Variants in LINGO2 observed in about 807,000 individuals in gnomAD.
LINGO2 encodes leucine rich repeat and Ig domain containing 2, also known as leucine-rich repeat and immunoglobulin-like domain-containing nogo receptor-interacting protein 2.
A neutral mutation model predicts 30.6 loss-of-function variants in LINGO2; 14 were observed. The ratio of observed to expected loss-of-function variants is 0.46; its 90% confidence interval spans 0.30 to 0.72. The LOEUF (loss-of-function observed/expected upper bound fraction) is 0.72, where lower values mean the gene tolerates loss of function less well. Ranked by LOEUF, LINGO2 falls within the 30% of genes least tolerant of loss-of-function variation. LINGO2 has a pLI of 0.07. For missense variants in LINGO2, 729 were observed against 751.7 expected, an observed-to-expected ratio of 0.97 and a Z score of 0.35; for synonymous variants, 317 against 288.5, an observed-to-expected ratio of 1.10 and a Z score of -1.00.
downstream of LINGO2, among the ~76,000 whole-genome samples, chr9:27,945,482 A>G (rs1823330269): frequency 6.6e-6 from 1 of 152,130 alleles, no homozygotes; most frequent in Non-Finnish European, 1.5e-5. Flanking sequence ...GTAACAAGCA[A>G]AATTTCTGAG....
chr9:28,040,412 A>G (rs1385792599), intron 4 of LINGO2, among the ~76,000 whole-genome samples: 4 of 151,784 alleles, frequency 2.6e-5, no homozygotes, highest in African/African-American at 4.8e-5. Flanking sequence ...TTGTTCAAAA[A>G]GACAGCTTGA....
chr9:27,978,981 C>G (rs1486076569), intron 5 of LINGO2, among the ~76,000 whole-genome samples: 6 of 151,986 alleles, frequency 3.9e-5, no homozygotes, highest in Admixed American at 1.3e-4. Flanking sequence ...TAAAAGAGTT[C>G]AAGGCTCAGA....
the LINGO2 span, among the ~76,000 whole-genome samples, chr9:28,730,523 A>G: frequency 1.3e-5 from 2 of 152,222 alleles, no homozygotes; most frequent in African/African-American, 4.8e-5. Flanking sequence ...GCAAAGCTAC[A>G]GAATGGGAGA....
At chr9:28,776,150 A>C in the LINGO2 span, among the ~76,000 whole-genome samples, 1 of 152,226 alleles carries the variant, frequency 6.6e-6, no homozygotes, top group Non-Finnish European at 1.5e-5. Context: ...CTCTTGAATA[A>C]GCCCCTGGCT....
the LINGO2 span, among the ~76,000 whole-genome samples, chr9:28,999,445 C>T: frequency 6.6e-6 from 1 of 152,088 alleles, no homozygotes; most frequent in East Asian, 1.9e-4. Flanking sequence ...TGACTTATTT[C>T]TGTATATATC....
At chr9:28,486,669 T>C (rs1404396434) in intron 1 of LINGO2, among the ~76,000 whole-genome samples, 1 of 151,974 alleles carries the variant, frequency 6.6e-6, no homozygotes, top group Non-Finnish European at 1.5e-5. Flanking sequence ...TAATGAATAG[T>C]GCTCTCGTTC....
intron 4 of LINGO2, among the ~76,000 whole-genome samples, chr9:28,019,496 C>T (rs1398217379): frequency 6.6e-6 from 1 of 151,844 alleles, no homozygotes. Context: ...AAACTGAAGG[C>T]AGTGACAAAG....
chr9:28,214,967 T>G (rs532009531), intron 4 of LINGO2, among the ~76,000 whole-genome samples: 1 of 151,874 alleles, frequency 6.6e-6, no homozygotes, highest in African/African-American at 2.4e-5. Context: ...AATGACATGT[T>G]CTGTACATCC....
chr9:28,616,180 A>C (rs191854803), intron 1 of LINGO2, among the ~76,000 whole-genome samples: 2 of 152,282 alleles, frequency 1.3e-5, no homozygotes, highest in East Asian at 3.9e-4. Context: ...TTTATTTTTA[A>C]AATGCTTATA....
chr9:28,258,230 T>C (rs187607117), intron 4 of LINGO2, among the ~76,000 whole-genome samples: 40 of 152,010 alleles, frequency 2.6e-4, no homozygotes, highest in Admixed American at 7.9e-4. Context: ...GACTTATATG[T>C]TCACTGGAGT....
chr9:28,541,337 G>A (rs747136597), intron 1 of LINGO2, among the ~76,000 whole-genome samples: 6 of 152,110 alleles, frequency 3.9e-5, no homozygotes, highest in African/African-American at 7.2e-5. Context: ...CTCTCCTGGA[G>A]GAGGGACACA....
the LINGO2 span, among the ~76,000 whole-genome samples, chr9:28,797,154 G>A: frequency 3.3e-5 from 5 of 151,200 alleles, no homozygotes; most frequent in African/African-American, 1.2e-4. Flanking sequence ...ACGATGAACT[G>A]CTCTAAGTTT....
the LINGO2 span, among the ~76,000 whole-genome samples, chr9:28,754,661 C>T: frequency 3.3e-5 from 5 of 149,948 alleles, no homozygotes; most frequent in African/African-American, 1.2e-4. Flanking sequence ...GATGGAGTCT[C>T]GCTCTGTTGC....
intron 4 of LINGO2, among the ~76,000 whole-genome samples, chr9:28,180,697 G>A (rs1335535997): frequency 3.9e-5 from 6 of 152,150 alleles, no homozygotes; most frequent in Non-Finnish European, 8.8e-5. Context: ...GAGTAGAACA[G>A]GAGTTTGGGA....
chr9:27,983,476 T>C (rs1236446173), intron 5 of LINGO2, among the ~76,000 whole-genome samples: 2 of 151,844 alleles, frequency 1.3e-5, no homozygotes, highest in African/African-American at 4.8e-5. Context: ...ATTGAATTCC[T>C]ACCATGTACC....
intron 4 of LINGO2, among the ~76,000 whole-genome samples, chr9:28,252,278 T>A (rs188163128): frequency 6.6e-6 from 1 of 152,110 alleles, no homozygotes; most frequent in African/African-American, 2.4e-5. Context: ...TAGGCTGGAG[T>A]GCAGTGGTGT....
chr9:29,018,841 A>C, the LINGO2 span, among the ~76,000 whole-genome samples: 12 of 152,112 alleles, frequency 7.9e-5, no homozygotes, highest in Admixed American at 3.3e-4. Flanking sequence ...TTCTTAAATC[A>C]TCTTTCTAGT....
chr9:28,821,844 C>A, the LINGO2 span, among the ~76,000 whole-genome samples: 1 of 152,028 alleles, frequency 6.6e-6, no homozygotes, highest in Admixed American at 6.6e-5. Context: ...TTAGAATTAT[C>A]CAGGTGGTCA....
At chr9:28,453,224 C>T (rs77690343) in intron 2 of LINGO2, among the ~76,000 whole-genome samples, 3,892 of 151,910 alleles carry the variant, frequency 0.026, 162 homozygotes, top group African/African-American at 0.087. Context: ...AAAAGAGTCC[C>T]TACTCTCAAG....
Sources: allele counts gnomAD v4.1 joint callset (sites outside exome capture counted in the v4.1 genomes callset), GRCh38; gene constraint gnomAD v4.1.1; transcripts MANE v1.5; gene names NCBI Gene and HGNC (gene_info 2026-07-23, HGNC 2026-07-21).